The following KHDRBS2 variants were observed in gnomAD, a reference collection of about 807,000 sequenced individuals.
KHDRBS2 encodes the protein KH domain-containing, RNA-binding, signal transduction-associated protein 2.
In KHDRBS2, 26 loss-of-function variants were observed where a neutral mutation model predicts 44.3. That is an observed-to-expected ratio of 0.59 (90% CI 0.43 to 0.81). The LOEUF (loss-of-function observed/expected upper bound fraction) is 0.81. Ranked by LOEUF, KHDRBS2 falls within the 40% of genes least tolerant of loss-of-function variation. The pLI is 0.00. For synonymous variants in KHDRBS2, 194 were observed against 151.1 expected (o/e 1.28, Z -2.08); for missense variants, 476 against 433.1 (o/e 1.10, Z -0.88).
intron 2 of KHDRBS2, among the ~76,000 whole-genome samples, chr6:62,086,961 A>C (rs1424521612): frequency 6.6e-6 from 1 of 152,092 alleles, no homozygotes; most frequent in Non-Finnish European, 1.5e-5. Flanking sequence ...AAAAAGGAAA[A>C]GATATAGGTG....
chr6:61,781,185 C>G (rs1300728740), intron 6 of KHDRBS2, among the ~76,000 whole-genome samples: 1 of 152,092 alleles, frequency 6.6e-6, no homozygotes, highest in Non-Finnish European at 1.5e-5. Flanking sequence ...TGCATTTTAT[C>G]TCCAAATGCC....
chr6:62,108,443 A>AAC (rs1220892566), intron 2 of KHDRBS2, among the ~76,000 whole-genome samples: 1 of 152,138 alleles, frequency 6.6e-6, no homozygotes, highest in Non-Finnish European at 1.5e-5. Flanking sequence ...AAAGTCAGGA[A>AAC]ACAACAGGTG....
At chr6:61,671,974 C>A in the KHDRBS2 span, among the ~76,000 whole-genome samples, 4 of 151,830 alleles carry the variant, frequency 2.6e-5, no homozygotes, top group African/African-American at 9.7e-5. Context: ...TTAGGTATAT[C>A]TCCTAATGCT....
chr6:61,755,993 A>G (rs953100108), intron 6 of KHDRBS2, among the ~76,000 whole-genome samples: 2 of 152,032 alleles, frequency 1.3e-5, no homozygotes, highest in Non-Finnish European at 2.9e-5. Context: ...CAGTTCATGT[A>G]TTGCTTTTAG....
chr6:62,120,910 A>T (rs546604838), intron 2 of KHDRBS2, among the ~76,000 whole-genome samples: 3 of 152,240 alleles, frequency 2.0e-5, no homozygotes, highest in Admixed American at 2.0e-4. Context: ...CCAACCTTTC[A>T]CCAGAGTAAC....
intron 6 of KHDRBS2, among the ~76,000 whole-genome samples, chr6:61,891,294 T>A (rs902396734): frequency 5.9e-5 from 9 of 152,206 alleles, no homozygotes; most frequent in African/African-American, 1.9e-4. Flanking sequence ...CAGAAGACCA[T>A]GGTGGATAAG....
chr6:61,867,983 C>G (rs1798029807), intron 6 of KHDRBS2, among the ~76,000 whole-genome samples: 1 of 152,180 alleles, frequency 6.6e-6, no homozygotes, highest in Non-Finnish European at 1.5e-5. Context: ...AGTAGAGCAG[C>G]TGTGCTATGT....
At chr6:61,598,539 T>C in the KHDRBS2 span, among the ~76,000 whole-genome samples, 3 of 152,196 alleles carry the variant, frequency 2.0e-5, no homozygotes, top group African/African-American at 7.2e-5. Flanking sequence ...AGAAAGTCAG[T>C]AAGACAGGAG....
chr6:61,770,472 A>G (rs1373059635), intron 6 of KHDRBS2, among the ~76,000 whole-genome samples: 1 of 152,190 alleles, frequency 6.6e-6, no homozygotes, highest in Non-Finnish European at 1.5e-5. Flanking sequence ...TAGAATAACC[A>G]ATGCAGAGAA....
intron 2 of KHDRBS2, among the ~76,000 whole-genome samples, chr6:62,061,614 C>T (rs1022866128): frequency 3.3e-5 from 5 of 150,696 alleles, no homozygotes; most frequent in African/African-American, 7.3e-5. Flanking sequence ...ACATTTTTTC[C>T]TTCATTTCAA....
At chr6:62,080,077 C>T (rs186316495) in intron 2 of KHDRBS2, among the ~76,000 whole-genome samples, 110 of 151,948 alleles carry the variant, frequency 7.2e-4, no homozygotes, top group African/African-American at 2.7e-3. Context: ...TTATAAAATA[C>T]ATAAAACGTG....
chr6:61,587,152 TGAG>T, the KHDRBS2 span, among the ~76,000 whole-genome samples: 36 of 152,230 alleles, frequency 2.4e-4, 2 homozygotes, highest in East Asian at 4.3e-3. Flanking sequence ...AGCCTCCTAA[TGAG>T]GAAGCAGCCA....
the KHDRBS2 span, among the ~76,000 whole-genome samples, chr6:61,587,441 A>G: frequency 6.6e-6 from 1 of 152,220 alleles, no homozygotes; most frequent in South Asian, 2.1e-4. Flanking sequence ...ACCAACAGGA[A>G]CATCTGCACT....
intron 6 of KHDRBS2, among the ~76,000 whole-genome samples, chr6:61,844,479 A>C (rs914643361): frequency 2.6e-5 from 4 of 152,078 alleles, no homozygotes; most frequent in African/African-American, 9.7e-5. Flanking sequence ...ATTCCCACAC[A>C]TTCTTATAAT....
chr6:62,017,036 A>G (rs535562099), intron 3 of KHDRBS2, among the ~76,000 whole-genome samples: 3 of 152,274 alleles, frequency 2.0e-5, no homozygotes, highest in African/African-American at 7.2e-5. Flanking sequence ...TTAATTAAAT[A>G]AATTTTTTCT....
At chr6:62,025,151 C>G (rs1228027486) in intron 3 of KHDRBS2, among the ~76,000 whole-genome samples, 1 of 151,530 alleles carries the variant, frequency 6.6e-6, no homozygotes, top group East Asian at 1.9e-4. Flanking sequence ...CTTAATGAAA[C>G]TGAAATTTAA....
intron 8 of KHDRBS2, among the ~76,000 whole-genome samples, chr6:61,695,050 C>T (rs1299042983): frequency 1.3e-5 from 2 of 152,020 alleles, no homozygotes; most frequent in Non-Finnish European, 1.5e-5. Flanking sequence ...TCTCCTTCCC[C>T]TTAAAATAGT....
At chr6:62,203,176 G>A (rs1827321937) in intron 1 of KHDRBS2, among the ~76,000 whole-genome samples, 1 of 152,118 alleles carries the variant, frequency 6.6e-6, no homozygotes, top group African/African-American at 2.4e-5. Flanking sequence ...GGTAATTTTA[G>A]GATGTGGTAA....
chr6:62,187,294 A>AGC (rs1563026804), intron 1 of KHDRBS2, among the ~76,000 whole-genome samples: 3 of 152,256 alleles, frequency 2.0e-5, no homozygotes, highest in South Asian at 4.1e-4. Flanking sequence ...TTGAATAATA[A>AGC]AGCCCAGGTT....
Sources: allele counts gnomAD v4.1 joint callset (sites outside exome capture counted in the v4.1 genomes callset), GRCh38; gene constraint gnomAD v4.1.1; transcripts MANE v1.5; gene names NCBI Gene and HGNC (gene_info 2026-07-23, HGNC 2026-07-21).